FRMD4A: variants seen among roughly 807,000 people sequenced by gnomAD.
FRMD4A encodes the protein FERM domain-containing protein 4A.
Under a neutral mutation model 129.1 loss-of-function variants are expected in FRMD4A, and 29 were observed. The observed-to-expected ratio is 0.22, with a 90% confidence interval of 0.17 to 0.31. The LOEUF (loss-of-function observed/expected upper bound fraction) is 0.31. FRMD4A is among the 10% of genes least tolerant of loss of function. The pLI is 1.00. For synonymous variants in FRMD4A, 634 were observed against 571.6 expected (o/e 1.11, Z -1.56); for missense variants, 1,272 against 1,375.8 (o/e 0.92, Z 1.19).
At chr10:14,223,670 G>A (rs1028914937) in intron 2 of FRMD4A, among the ~76,000 whole-genome samples, 1 of 149,668 alleles carries the variant, frequency 6.7e-6, no homozygotes, top group African/African-American at 2.5e-5. Flanking sequence ...CTGGCTGGGA[G>A]GTTGAGGCTG....
At chr10:13,689,567 T>TTTTA (rs1564617486) in intron 15 of FRMD4A, among the ~76,000 whole-genome samples, 2 of 147,830 alleles carry the variant, frequency 1.4e-5, no homozygotes, top group Non-Finnish European at 3.0e-5. Flanking sequence ...TTTTTTTTTT[T>TTTTA]AAGAGACAGG....
At chr10:13,740,618 G>C (rs763742195) in intron 9 of FRMD4A, 41 bp from the exon 10 acceptor site, 3 of 1,031,296 alleles carry the variant, frequency 2.9e-6, no homozygotes, top group Non-Finnish European at 4.5e-6. Context: ...GGAGTCTCTA[G>C]GTCAACAGCC....
At chr10:13,684,795 T>C in intron 15 of FRMD4A, 1 of 982,336 alleles carries the variant, frequency 1.0e-6, no homozygotes, top group Non-Finnish European at 1.2e-6. Context: ...AAGCAAACAA[T>C]GCTCCAAAGA....
At chr10:13,753,003 G>A (rs1293275650) in intron 8 of FRMD4A, among the ~76,000 whole-genome samples, 1 of 152,120 alleles carries the variant, frequency 6.6e-6, no homozygotes. Flanking sequence ...CCTAAATCCT[G>A]CCAAGTTCTG....
rs1051033650 is a variant in FRMD4A, at chr10:14,262,144, C to G, written c.45+67914G>C. Reference sequence around the variant, plus strand: ...AAAGAGTTCGGGGAAAACCCATCTTCGAGCGGCAAAACCACCACTGCAGAG... The same window carrying G: ...AAAGAGTTCGGGGAAAACCCATCTTGGAGCGGCAAAACCACCACTGCAGAG... On this transcript the variant is annotated intron_variant, in intron 2 of 24. Transcript: ENST00000357447. Among the ~76,000 whole-genome samples the G allele has an allele frequency of 5.3e-5, 8 of 152,194 alleles. No individual in the cohort carries two copies. The East Asian group carries it at 1.3e-3, about 26-fold the overall frequency.
intron 2 of FRMD4A, among the ~76,000 whole-genome samples, chr10:14,216,982 T>C (rs1298819071): frequency 2.6e-5 from 4 of 152,222 alleles, no homozygotes; most frequent in African/African-American, 9.6e-5. Flanking sequence ...TACACACTGA[T>C]CCCAAGGACA....
At chr10:14,052,484 A>G (rs954124428) in intron 2 of FRMD4A, among the ~76,000 whole-genome samples, 4 of 152,152 alleles carry the variant, frequency 2.6e-5, no homozygotes, top group African/African-American at 4.8e-5. Flanking sequence ...GCTTTTACTC[A>G]TGGCAGAAAA....
chr10:14,055,457 ACACAAACACACAC>A (rs1834472493), intron 2 of FRMD4A, among the ~76,000 whole-genome samples: 7 of 105,382 alleles, frequency 6.6e-5, no homozygotes, highest in Non-Finnish European at 3.6e-5. Flanking sequence ...ACACACACAC[ACACAAACACACAC>A]ACACACACAC....
At chr10:13,859,860 A>T (rs1489158096) in intron 2 of FRMD4A, among the ~76,000 whole-genome samples, 1 of 152,186 alleles carries the variant, frequency 6.6e-6, no homozygotes, top group Non-Finnish European at 1.5e-5. Context: ...TCTGAGTGGT[A>T]TAACAGGAAG....
chr10:14,172,884 G>T (rs1406335573), intron 2 of FRMD4A, among the ~76,000 whole-genome samples: 1 of 152,210 alleles, frequency 6.6e-6, no homozygotes, highest in Non-Finnish European at 1.5e-5. Flanking sequence ...TCTCACTTGA[G>T]GCTATCCTTC....
intron 2 of FRMD4A, among the ~76,000 whole-genome samples, chr10:14,033,825 G>GA (rs1258806520): frequency 3.4e-5 from 5 of 146,428 alleles, no homozygotes; most frequent in Admixed American, 1.4e-4. Context: ...AGAAAAGAAA[G>GA]AAAAAAAAGA....
At position 14,288,462 on chromosome 10, in the gene FRMD4A, A is replaced by G. The variant is rs1299911839; in HGVS notation, c.45+41596T>C. On this transcript the variant is annotated intron_variant, in intron 2 of 24. Coordinates refer to ENST00000357447, the MANE Select transcript of FRMD4A (RefSeq NM_018027.5). ...ACCACGGTCTAAAGAAGCCATCACT[A>G]TGTGTTAATAATACCCCAGTAGACT... Among the ~76,000 whole-genome samples, 4 of 152,326 alleles carry G rather than the reference A, an allele frequency of 2.6e-5. No individual in the cohort carries two copies. The East Asian group carries it at 7.7e-4, about 29-fold the overall frequency.
chr10:14,151,009 A>C (rs949966781), intron 2 of FRMD4A, among the ~76,000 whole-genome samples: 1 of 152,196 alleles, frequency 6.6e-6, no homozygotes, highest in South Asian at 2.1e-4. Flanking sequence ...GGAATTTTAC[A>C]TGTGCTCAGA....
intron 8 of FRMD4A, among the ~76,000 whole-genome samples, chr10:13,749,483 T>C (rs191024532): frequency 1.3e-5 from 2 of 152,282 alleles, no homozygotes; most frequent in African/African-American, 4.8e-5. Flanking sequence ...GCACCTATGC[T>C]GCTAACTGGA....
Position 13,811,884 on chromosome 10 carries a change from G to GTT in FRMD4A, c.112-978_112-977dup, listed in dbSNP as rs775972279. On this transcript the variant is annotated intron_variant, in intron 3 of 24. Transcript: ENST00000357447. ...AGGAAAGTTATTTCATTATCTGTTG[G>GTT]TTTTTTTTTTTTTTTTTGAGATGGA... Among the ~76,000 whole-genome samples the GTT allele has an allele frequency of 2.4e-3, 322 of 134,772 alleles. 3 individuals carry two copies. The highest frequency in any genetic ancestry group is 7.8e-3 in the Middle Eastern group (2 of 258). 88.4% of individuals were successfully genotyped at this position (134,772 alleles called of 152,430 possible).
chr10:14,140,683 T>C (rs919328457), intron 2 of FRMD4A, among the ~76,000 whole-genome samples: 7 of 152,212 alleles, frequency 4.6e-5, no homozygotes, highest in Non-Finnish European at 8.8e-5. Flanking sequence ...CTTAGACCTA[T>C]TCTCTTTATG....
intron 12 of FRMD4A, among the ~76,000 whole-genome samples, chr10:13,734,785 G>T (rs1039493545): frequency 1.3e-5 from 2 of 152,090 alleles, no homozygotes; most frequent in African/African-American, 4.8e-5. Context: ...TCAGTGCCCA[G>T]TGATGTGCTT....
chr10:13,891,774 C>CGCA, intron 2 of FRMD4A: 1 of 977,780 alleles, frequency 1.0e-6, no homozygotes, highest in Non-Finnish European at 1.2e-6. Flanking sequence ...GCCCCGTCCC[C>CGCA]GCCGCCGCCC....
intron 2 of FRMD4A, among the ~76,000 whole-genome samples, chr10:14,134,279 G>GGATA (rs1839417276): frequency 6.8e-6 from 1 of 147,878 alleles, no homozygotes. Context: ...ATGGATGGAT[G>GGATA]GATGGATAGG....
Sources: gnomAD v4.1 joint callset for allele counts (sites outside exome capture counted in the v4.1 genomes callset) on GRCh38, gnomAD v4.1.1 for gene constraint, MANE v1.5 for transcripts, NCBI Gene and HGNC (gene_info 2026-07-23, HGNC 2026-07-21) for gene names.